Variants in VPS28 observed in about 807,000 individuals in gnomAD.
VPS28 encodes the protein VPS28 subunit of ESCRT-I, also known as vacuolar protein sorting-associated protein 28 homolog.
In VPS28, 29 loss-of-function variants were observed where a neutral mutation model predicts 33.7. The observed-to-expected ratio is 0.86, with a 90% CI of 0.64 to 1.17. VPS28 has a LOEUF of 1.17. VPS28 is among the 50% of genes most tolerant of loss of function. The pLI is 0.00. For missense variants in VPS28, 247 were observed against 312.2 expected (o/e 0.79, Z 1.57); for synonymous variants, 164 against 116.7 (o/e 1.40, Z -2.61).
intron 7 of VPS28, 38 bp downstream of exon 7, chr8:144,424,680 G>GGCTCTCCTAACCACGT: frequency 6.2e-7 from 1 of 1,601,470 alleles, no homozygotes; most frequent in Non-Finnish European, 8.5e-7. Context: ...AGGCAGCCTC[G>GGCTCTCCTAACCACGT]GCTCTCCTAA....
In VPS28 at chr8:144,426,166, C is replaced by T. The variant is rs1182406632; in HGVS notation, c.66+14G>A. 10 of 1,605,114 alleles carry T rather than the reference C, an allele frequency of 6.2e-6. No homozygotes were observed. The highest frequency in any genetic ancestry group is 8.5e-6 in the Non-Finnish European group (10 of 1,176,230). On this transcript the variant is annotated intron_variant, in intron 3 of 9. Transcript: ENST00000292510. Reference sequence around the variant, plus strand: ...TGTTGGCCAATGCCGGCCGGGTGGGCACCCACCACTCACCTCATACAGCTC... The same window carrying T: ...TGTTGGCCAATGCCGGCCGGGTGGGTACCCACCACTCACCTCATACAGCTC...
In VPS28 at chr8:144,423,782, G is replaced by A. The variant is rs1291301232; in HGVS notation, c.*23C>T. ...CCATCGCCTCAGACTCTGCCCTTCT[G>A]TGCAAGGGCTAGTGCCCCGGGCTCA... On this transcript the variant is annotated 3_prime_UTR_variant, in exon 10 of 10. Transcript: ENST00000292510. 1.1e-5 allele frequency: 18 copies of A among 1,612,760 alleles called. No homozygotes were observed. The East Asian group carries it at 3.1e-4, about 28-fold the overall frequency.
rs1160839281 is a variant in VPS28 at position 144,424,735 on chromosome 8, T to C, written c.385A>G (p.Ile129Val). The C allele has an allele frequency of 6.2e-7, 1 of 1,612,482 alleles. No individual in the cohort carries two copies. The highest frequency in any genetic ancestry group is 8.5e-7 in the Non-Finnish European group (1 of 1,179,956). Reference sequence around the variant, plus strand: ...GGGCGCACCGAGACCACGTCTGCGATGCAGCGGTTGAGGTTGCCCTTGTCG... The same window carrying C: ...GGGCGCACCGAGACCACGTCTGCGACGCAGCGGTTGAGGTTGCCCTTGTCG... ...KDDKGNLNRCIADVVSLFITV... is the reference protein window; with the variant it reads ...KDDKGNLNRCVADVVSLFITV... The change falls in exon 7 of 10, where the codon ATC (isoleucine) becomes GTC (valine). Residue 129 changes from isoleucine to valine, a missense_variant. Coordinates refer to ENST00000292510, the MANE Select transcript of VPS28 (RefSeq NM_016208.4).
In VPS28 at chr8:144,425,689, G is replaced by C; in HGVS notation, c.188C>G (p.Pro63Arg). ...CCAGGACGTGGGCTCTTACTCGCTG[G>C]GGGAGACACAGTCCTTGATGTAGGC... is the stretch of plus-strand genomic sequence containing the variant. ...EKAYIKDCVS[P>R]SEYTAACSRL... The change falls in exon 5 of 10, where the codon CCC (proline) becomes CGC (arginine). Residue 63 changes from proline to arginine, a missense_variant. Pro to Arg is a moderately radical substitution (Grantham distance 103). This residue lies in a region of VPS28 where 149 missense variants were observed against 172.8 expected (regional missense o/e 0.86). Transcript: ENST00000292510. 1 of 1,613,748 alleles carries C rather than the reference G, an allele frequency of 6.2e-7. No homozygotes were observed. The highest frequency in any genetic ancestry group is 8.5e-7 in the Non-Finnish European group (1 of 1,179,854).
Position 144,423,994 on chromosome 8 carries a change from G to A in VPS28, c.548+47C>T, listed in dbSNP as rs782184374. ...ACTGCGGGGCTCCGCCTGGCTGGGA[G>A]GGTCTCGGGCACTGCGGGGCTCTGC... is the stretch of plus-strand genomic sequence containing the variant. On this transcript the variant is annotated intron_variant, in intron 9 of 9. Transcript: ENST00000292510. 4.4e-6 allele frequency: 7 copies of A among 1,608,742 alleles called. No homozygotes were observed. The South Asian group carries it at 4.4e-5, about 10-fold the overall frequency.
rs1822714873 is a variant in VPS28, at chr8:144,426,053, A to G, written c.77T>C (p.Leu26Ser). Residue 26 changes from leucine to serine, a missense_variant, in exon 4 of 10, where the codon TTG (leucine) becomes TCG (serine). Around this residue, in one of 3 missense-constraint regions of VPS28, gnomAD observed 149 missense variants for 172.8 expected, o/e 0.86. Transcript: ENST00000292510. ...CTCCCTCTCCCGGGCGTTCTTGTAC[A>G]ACTTCACTTCCTGCCGGAGAGAGCG... ...NKPELYEEVKLYKNAREREKY... is the reference protein window; with the variant it reads ...NKPELYEEVKSYKNAREREKY... 1 of 1,539,456 alleles carries G rather than the reference A, an allele frequency of 6.5e-7. No homozygotes were observed.
Position 144,426,977 on chromosome 8 carries a change from G to A in VPS28, c.-32C>T, listed in dbSNP as rs369542452. On this transcript the variant is annotated splice_region_variant and 5_prime_UTR_variant, in exon 2 of 10. Coordinates refer to ENST00000292510, the MANE Select transcript of VPS28 (RefSeq NM_016208.4). The stretch of plus-strand genomic sequence containing the variant: ...GGCTCTGGGGGGGGCACAGCACTGA[G>A]ACCTGGGGAGCAGAGCCAGGGCCGA... 83 of 1,610,690 alleles carry A rather than the reference G, an allele frequency of 5.2e-5. No individual in the cohort carries two copies. In the Admixed American group the frequency reaches 6.4e-4, roughly 12 times the overall value.
intron 6 of VPS28, 42 bp downstream of exon 6, chr8:144,424,904 C>T (rs1554876288): frequency 1.6e-5 from 25 of 1,608,058 alleles, no homozygotes; most frequent in East Asian, 4.5e-5. Context: ...TACCCATGCC[C>T]GACAGTCTCG....
At chr8:144,427,351 G>T (rs1428312020) in intron 1 of VPS28, 1 of 177,042 alleles carries the variant, frequency 5.6e-6, no homozygotes, top group East Asian at 1.8e-4. Flanking sequence ...CAGCCCGTAA[G>T]TGCCAGGTCC....
chr8:144,423,973 C>T lies in VPS28; in HGVS notation c.549-51G>A, dbSNP rs782137843. Reference sequence around the variant, plus strand: ...GGGGCTGAGGGCCTCAGGGGCACTGCGGGGCTCCGCCTGGCTGGGAGGGTC... The same window carrying T: ...GGGGCTGAGGGCCTCAGGGGCACTGTGGGGCTCCGCCTGGCTGGGAGGGTC... On this transcript the variant is annotated intron_variant, in intron 9 of 9. Transcript: ENST00000292510. 7.9e-5 allele frequency: 127 copies of T among 1,610,856 alleles called. No homozygotes were observed. The Middle Eastern group carries it at 1.5e-3, about 19-fold the overall frequency.
intron 2 of VPS28, 34 bp from the exon 3 acceptor site, chr8:144,426,242 C>T (rs781784991): frequency 4.1e-5 from 65 of 1,574,462 alleles, no homozygotes; most frequent in Non-Finnish European, 5.3e-5. Flanking sequence ...GCAGGCTGGC[C>T]CCAAAGGGAA....
chr8:144,425,570 T>TG lies in VPS28; in HGVS notation c.194+112dup, dbSNP rs1822672541. 1.8e-6 allele frequency: 2 copies of TG among 1,133,864 alleles called. 1 individual carries two copies. The highest frequency in any genetic ancestry group is 2.8e-5 in the South Asian group (2 of 70,378). The allele number at this position is 1,133,864 out of a possible 1,614,324, so 70.2% of individuals were successfully genotyped here. On this transcript the variant is annotated intron_variant, in intron 5 of 9. Transcript: ENST00000292510. ...CCAGGGGCACCCTCCTCACGCTGGG[T>TG]GGGCCCCACACAAGTGGGTGCCTCC...
rs941597559 is a variant in VPS28 at position 144,426,916 on chromosome 8, G to A, written c.30C>T (p.Gly10=). 6.2e-7 allele frequency: 1 copy of A among 1,612,530 alleles called. No individual in the cohort carries two copies. Among genetic ancestry groups the A allele is most frequent in the African/African-American group, 1.3e-5 (1 of 74,914 alleles). ...CCTTCCAGCCACACTCACCTCCTATGCCCGGCGTGGCTGGGATCCCATGAA... is the reference window on the plus strand; with the variant it reads ...CCTTCCAGCCACACTCACCTCCTATACCCGGCGTGGCTGGGATCCCATGAA... The part of the protein sequence containing the change: MFHGIPATP[G]IGAPGNKPEL... The change falls in exon 2 of 10, where the codon GGC becomes GGT. Residue 10 remains glycine (G), a synonymous_variant. Transcript: ENST00000292510.
intron 8 of VPS28, 26 bp downstream of exon 8, chr8:144,424,189 G>GC: frequency 6.3e-7 from 1 of 1,576,986 alleles, no homozygotes. Flanking sequence ...TCCTGCCTAG[G>GC]CCCCCTGCCA....
At chr8:144,427,176 G>A (rs782349972) in intron 1 of VPS28, 197 bp from the exon 2 acceptor site, 32 of 407,806 alleles carry the variant, frequency 7.8e-5, no homozygotes, top group Non-Finnish European at 1.3e-4. Flanking sequence ...GCATACGGTT[G>A]TAATCCCAGC....
rs781971731 is a variant in VPS28 at position 144,426,919 on chromosome 8, C to T, written c.27G>A (p.Pro9=). 2.1e-5 allele frequency: 34 copies of T among 1,612,512 alleles called. No individual in the cohort carries two copies. The highest frequency in any genetic ancestry group is 1.3e-4 in the East Asian group (6 of 44,866). The change falls in exon 2 of 10, where the codon CCG becomes CCA. Residue 9 remains proline, a synonymous_variant. Coordinates refer to ENST00000292510, the MANE Select transcript of VPS28 (RefSeq NM_016208.4). ...TCCAGCCACACTCACCTCCTATGCC[C>T]GGCGTGGCTGGGATCCCATGAAACA... The part of the protein sequence containing the change: MFHGIPAT[P]GIGAPGNKPE...
intron 1 of VPS28, among the ~76,000 whole-genome samples, chr8:144,427,558 G>A (rs549028802): frequency 6.6e-5 from 10 of 152,282 alleles, no homozygotes; most frequent in African/African-American, 2.4e-4. Flanking sequence ...TGGCCCACGA[G>A]GAGAGTTTGG....
Position 144,424,709 on chromosome 8 carries a change from G to A in VPS28, c.402+9C>T, listed in dbSNP as rs782167115. 3 of 1,609,324 alleles carry A rather than the reference G, an allele frequency of 1.9e-6. No individual in the cohort carries two copies. The highest frequency in any genetic ancestry group is 1.7e-4 in the Middle Eastern group (1 of 6,026). On this transcript the variant is annotated intron_variant, in intron 7 of 9. Coordinates refer to ENST00000292510, the MANE Select transcript of VPS28 (RefSeq NM_016208.4). ...CTCCTAACCACGTGCCCTGGGGGCT[G>A]GGGCGCACCGAGACCACGTCTGCGA...
At chr8:144,424,580 C>G in intron 7 of VPS28, 138 bp downstream of exon 7, 1 of 996,468 alleles carries the variant, frequency 1.0e-6, no homozygotes. Context: ...ACCCCTCATT[C>G]CTAGTTAAAG....
Sources: gnomAD v4.1 joint callset for allele counts (sites outside exome capture counted in the v4.1 genomes callset) on GRCh38, gnomAD v4.1.1 for gene constraint, gnomAD v4.1.1 regional missense constraint, MANE v1.5 for transcripts, NCBI Gene and HGNC (gene_info 2026-07-23, HGNC 2026-07-21) for gene names.